HMGCS1: variants seen among roughly 807,000 people sequenced by gnomAD.
The protein encoded by HMGCS1 is 3-hydroxy-3-methylglutaryl-CoA synthase 1.
In HMGCS1, 9 loss-of-function variants were observed where a neutral mutation model predicts 52.3. That is an observed-to-expected ratio of 0.17 (90% CI 0.10 to 0.30). The LOEUF (loss-of-function observed/expected upper bound fraction) is 0.30. Among genes scored for constraint, HMGCS1 ranks in the 10% least tolerant of loss-of-function variants. HMGCS1 has a pLI of 1.00. For synonymous variants in HMGCS1, 176 were observed against 214.4 expected (o/e 0.82, Z 1.57); for missense variants, 320 against 620.9 (o/e 0.52, Z 5.15).
intron 1 of HMGCS1, among the ~76,000 whole-genome samples, chr5:43,312,175 G>A (rs1191747822): frequency 6.6e-6 from 1 of 152,140 alleles, no homozygotes; most frequent in East Asian, 1.9e-4. Flanking sequence ...CATCTCAGAA[G>A]GAAAAATCTG....
chr5:43,312,713 C>G (rs776023129), intron 1 of HMGCS1, among the ~76,000 whole-genome samples: 34 of 152,060 alleles, frequency 2.2e-4, no homozygotes, highest in Middle Eastern at 6.3e-3. Flanking sequence ...AATATGGAGG[C>G]AGGAAGGCGG....
Position 43,291,079 on chromosome 5 carries a change from A to ACCCCCACCCCCATCCC in HMGCS1, c.*51_*52insGGGATGGGGGTGGGGG. On this transcript the variant is annotated 3_prime_UTR_variant, in exon 11 of 11. Coordinates refer to ENST00000325110, the MANE Select transcript of HMGCS1 (RefSeq NM_001098272.3). The stretch of plus-strand genomic sequence containing the variant: ...ATCCCATTCCTCCAACTGTTCCCAT[A>ACCCCCACCCCCATCCC]CCCCCACCCCATGCCCACCCCACCC... 5.1e-6 allele frequency: 4 copies of ACCCCCACCCCCATCCC among 780,094 alleles called. No individual in the cohort carries two copies. The highest frequency in any genetic ancestry group is 9.3e-6 in the Non-Finnish European group (4 of 430,606). The allele number at this position is 780,094 out of a possible 1,614,324, so 48.3% of individuals were successfully genotyped here.
In HMGCS1 at chr5:43,298,947, A is replaced by G; in HGVS notation, c.19T>C (p.Leu7=). 6.2e-7 allele frequency: 1 copy of G among 1,613,128 alleles called. No individual in the cohort carries two copies. Among genetic ancestry groups the G allele is most frequent in the Middle Eastern group, 1.7e-4 (1 of 6,060 alleles). Residue 7 remains leucine (L), a synonymous_variant, in exon 3 of 11, where the codon TTG becomes CTG. Coordinates refer to ENST00000325110, the MANE Select transcript of HMGCS1 (RefSeq NM_001098272.3). The surrounding 1 kb of genome is among the most constrained non-coding windows in gnomAD (Gnocchi z 5.6). MPGSLP[L]NAEACWPKDV... ...TTTGGCCAGCAAGCTTCTGCATTCA[A>G]AGGAAGTGATCCAGGCATGGTGAAA...
chr5:43,297,169 A>T lies in HMGCS1; in HGVS notation c.575-3T>A. 5 of 1,609,204 alleles carry T rather than the reference A, an allele frequency of 3.1e-6. No individual in the cohort carries two copies. The highest frequency in any genetic ancestry group is 4.2e-6 in the Non-Finnish European group (5 of 1,177,884). On this transcript the variant is annotated splice_polypyrimidine_tract_variant and splice_region_variant and intron_variant, in intron 4 of 10. Transcript: ENST00000325110. ...TTGCATATGTGTCCCACGAAGCCCT[A>T]TTAGAACCAAAAAGGAAGATGTCTA...
chr5:43,294,972 AT>A (rs1753959171), intron 6 of HMGCS1, 111 bp from the exon 7 acceptor site: 1 of 634,776 alleles, frequency 1.6e-6, no homozygotes, highest in Non-Finnish European at 2.5e-6. Flanking sequence ...TTGTTTTCTC[AT>A]TTATTAAAAG....
At position 43,289,937 on chromosome 5, in the gene HMGCS1, A is replaced by G. The variant is rs1224554636; in HGVS notation, c.*1194T>C. 1 of 152,626 alleles carries G rather than the reference A, an allele frequency of 6.6e-6. No individual in the cohort carries two copies. Among genetic ancestry groups the G allele is most frequent in the Non-Finnish European group, 1.5e-5 (1 of 68,026 alleles). The allele number at this position is 152,626 out of a possible 1,614,324, so 9.5% of individuals were successfully genotyped here. A position where few individuals can be genotyped will look rare whatever the true frequency, so the allele number is the denominator to read the frequency against. On this transcript the variant is annotated 3_prime_UTR_variant, in exon 11 of 11. Coordinates refer to ENST00000325110, the MANE Select transcript of HMGCS1 (RefSeq NM_001098272.3). Reference sequence around the variant, plus strand: ...GTTCAGCACCAAAAAGATCTACACAAAACTGTTTAACCAATCTTCTTATCT... The same window carrying G: ...GTTCAGCACCAAAAAGATCTACACAGAACTGTTTAACCAATCTTCTTATCT...
intron 2 of HMGCS1, among the ~76,000 whole-genome samples, chr5:43,303,969 T>G (rs1754441978): frequency 6.6e-6 from 1 of 152,262 alleles, no homozygotes; most frequent in African/African-American, 2.4e-5. Context: ...CTTGAAATGT[T>G]CTACATCCAT....
intron 1 of HMGCS1, among the ~76,000 whole-genome samples, chr5:43,311,877 T>C (rs1754890134): frequency 6.6e-6 from 1 of 152,196 alleles, no homozygotes; most frequent in South Asian, 2.1e-4. Context: ...TACTGATGAT[T>C]ATACTAGAAT....
At position 43,290,611 on chromosome 5, in the gene HMGCS1, A is replaced by C. The variant is rs1753701197; in HGVS notation, c.*520T>G. 6.6e-6 allele frequency: 1 copy of C among 152,248 alleles called. No homozygotes were observed. 9.4% of individuals were successfully genotyped at this position (152,248 alleles called of 1,614,324 possible). ...GGCATGTTTGTTTTGCTATTTTCAA[A>C]GGGTTTGTGCGTATCACATTTTACC... is the stretch of plus-strand genomic sequence containing the variant. On this transcript the variant is annotated 3_prime_UTR_variant, in exon 11 of 11. Coordinates refer to ENST00000325110, the MANE Select transcript of HMGCS1 (RefSeq NM_001098272.3).
Position 43,295,901 on chromosome 5 carries a change from A to G in HMGCS1, c.756T>C (p.Asp252=), listed in dbSNP as rs1231263387. The change falls in exon 6 of 11, where the codon GAT becomes GAC. Residue 252 remains aspartate, a synonymous_variant. Coordinates refer to ENST00000325110, the MANE Select transcript of HMGCS1 (RefSeq NM_001098272.3). ...TGAAGCCAAAATCATTCAAGGTAAA[A>G]TCTTTATCATTTCCCTCTGAAAGAG... ...AQWQKEGNDK[D]FTLNDFGFMI... The G allele has an allele frequency of 6.2e-7, 1 of 1,611,364 alleles. No individual in the cohort carries two copies. Among genetic ancestry groups the G allele is most frequent in the East Asian group, 2.2e-5 (1 of 44,784 alleles).
At chr5:43,293,202 C>T (rs974293953) in intron 8 of HMGCS1, among the ~76,000 whole-genome samples, 2 of 152,148 alleles carry the variant, frequency 1.3e-5, no homozygotes, top group African/African-American at 2.4e-5. Flanking sequence ...AGGAAACAGG[C>T]ATAATTTGAA....
At chr5:43,295,424 AT>A (rs1011946260) in intron 6 of HMGCS1, among the ~76,000 whole-genome samples, 12 of 152,188 alleles carry the variant, frequency 7.9e-5, no homozygotes, top group African/African-American at 2.9e-4. Context: ...GGAAAAGGGC[AT>A]GGGGGCAGGG....
In HMGCS1 at chr5:43,289,099, G is replaced by T. The variant is rs759472705; in HGVS notation, c.*2032C>A. On this transcript the variant is annotated 3_prime_UTR_variant, in exon 11 of 11. Transcript: ENST00000325110. ...AGCAAAGTCTATATATGCTTGCCAC[G>T]CAATTTGAGAGTTAATTTCTTTGTT... 6.6e-6 allele frequency: 1 copy of T among 152,082 alleles called. No individual in the cohort carries two copies. The highest frequency in any genetic ancestry group is 1.5e-5 in the Non-Finnish European group (1 of 68,018). The allele number at this position is 152,082 out of a possible 1,614,324, so 9.4% of individuals were successfully genotyped here.
chr5:43,291,987 C>CTTTTTTTTTTTTTT (rs537398917), intron 10 of HMGCS1, among the ~76,000 whole-genome samples: 1 of 83,114 alleles, frequency 1.2e-5, no homozygotes, highest in Non-Finnish European at 2.1e-5. Flanking sequence ...ACTGTATATT[C>CTTTTTTTTTTTTTT]TTTTTTTTTT....
chr5:43,299,923 G>A (rs768186535), intron 2 of HMGCS1, among the ~76,000 whole-genome samples: 6 of 152,132 alleles, frequency 3.9e-5, no homozygotes, highest in Non-Finnish European at 5.9e-5. Flanking sequence ...CAGGGAAATA[G>A]CTACAAACTT....
At chr5:43,299,054 T>G (rs1308243856) in intron 2 of HMGCS1, 79 bp from the exon 3 acceptor site, 3 of 1,029,588 alleles carry the variant, frequency 2.9e-6, no homozygotes, top group African/African-American at 1.6e-5. Flanking sequence ...GAGAAATAGA[T>G]ATTAAGAGTT....
In HMGCS1 at chr5:43,308,431, T is replaced by C. The variant is rs1209502000; in HGVS notation, c.-69-607A>G. ...CCTTAGTTCTTATAGTTCTTATAAG[T>C]GTTTTTCAAAGAAAATAAAGGTATT... On this transcript the variant is annotated intron_variant, in intron 1 of 10. Coordinates refer to ENST00000325110, the MANE Select transcript of HMGCS1 (RefSeq NM_001098272.3). 4.6e-5 allele frequency among the ~76,000 whole-genome samples: 7 copies of C among 152,250 alleles called. No individual in the cohort carries two copies. In the South Asian group the frequency reaches 1.4e-3, roughly 32 times the overall value.
chr5:43,305,245 C>T (rs1426655140), intron 2 of HMGCS1, among the ~76,000 whole-genome samples: 2 of 152,098 alleles, frequency 1.3e-5, no homozygotes, highest in Admixed American at 6.5e-5. Flanking sequence ...CTCGGCCTCC[C>T]GAAGTGCTGG....
At position 43,291,104 on chromosome 5, in the gene HMGCS1, C is replaced by A; in HGVS notation, c.*27G>T. On this transcript the variant is annotated 3_prime_UTR_variant, in exon 11 of 11. Transcript: ENST00000325110. ...ACCCCCACCCCATGCCCACCCCACC[C>A]TGAAGTCTTGCACCTCACAGAGTAT... 2 of 1,211,976 alleles carry A rather than the reference C, an allele frequency of 1.7e-6. No individual in the cohort carries two copies. Among genetic ancestry groups the A allele is most frequent in the Non-Finnish European group, 2.5e-6 (2 of 814,334 alleles). 75.1% of individuals were successfully genotyped at this position (1,211,976 alleles called of 1,614,324 possible).
Sources: gnomAD v4.1 joint callset for allele counts (sites outside exome capture counted in the v4.1 genomes callset) on GRCh38, gnomAD v4.1.1 for gene constraint, Gnocchi (gnomAD v3.1) non-coding constraint, MANE v1.5 for transcripts, NCBI Gene and HGNC (gene_info 2026-07-23, HGNC 2026-07-21) for gene names.